The following PTPRG variants were observed in gnomAD, a reference collection of about 807,000 sequenced individuals.
The protein encoded by PTPRG is protein tyrosine phosphatase receptor type G, also known as receptor-type tyrosine-protein phosphatase gamma.
A neutral mutation model predicts 165.3 loss-of-function variants in PTPRG; 102 were observed. The observed-to-expected ratio is 0.62, with a 90% CI of 0.53 to 0.73. The LOEUF is 0.73. Among genes scored for constraint, PTPRG ranks in the 30% least tolerant of loss-of-function variants. PTPRG has a pLI of 0.00. For missense variants in PTPRG, 1,866 were observed against 1,861.4 expected (o/e 1.00, Z -0.05); for synonymous variants, 675 against 669.5 (o/e 1.01, Z -0.13).
intron 5 of PTPRG, among the ~76,000 whole-genome samples, chr3:62,108,947 C>T (rs1216217222): frequency 9.3e-6 from 1 of 107,580 alleles, no homozygotes; most frequent in Non-Finnish European, 2.0e-5. Context: ...AGCCCTTTGT[C>T]AGATGGATAG....
At chr3:61,987,255 A>C (rs956699580) in intron 2 of PTPRG, among the ~76,000 whole-genome samples, 36 of 152,370 alleles carry the variant, frequency 2.4e-4, no homozygotes, top group African/African-American at 8.7e-4. Flanking sequence ...TTAAAATTGC[A>C]CTTGAATGTA....
At chr3:62,037,661 T>C (rs1699991697) in intron 4 of PTPRG, among the ~76,000 whole-genome samples, 1 of 152,186 alleles carries the variant, frequency 6.6e-6, no homozygotes, top group African/African-American at 2.4e-5. Flanking sequence ...CTGAGTGTAT[T>C]AATCTGCTCC....
intron 5 of PTPRG, among the ~76,000 whole-genome samples, chr3:62,107,298 G>A (rs1224897700): frequency 6.6e-6 from 1 of 152,168 alleles, no homozygotes; most frequent in African/African-American, 2.4e-5. Flanking sequence ...AATATGATTA[G>A]TCACCTCCTA....
chr3:61,843,032 G>A (rs912796580), intron 2 of PTPRG, among the ~76,000 whole-genome samples: 2 of 152,152 alleles, frequency 1.3e-5, no homozygotes, highest in African/African-American at 4.8e-5. Flanking sequence ...CTCTCTTACA[G>A]CTCTGTTGCT....
At chr3:61,727,046 CAAA>C (rs35873334) in intron 1 of PTPRG, among the ~76,000 whole-genome samples, 5 of 105,838 alleles carry the variant, frequency 4.7e-5, no homozygotes, top group East Asian at 2.3e-4. Flanking sequence ...GACTCCGTCT[CAAA>C]AAAAAAAAAA....
chr3:62,064,431 G>C (rs1700932683), intron 4 of PTPRG, among the ~76,000 whole-genome samples: 1 of 151,924 alleles, frequency 6.6e-6, no homozygotes, highest in Non-Finnish European at 1.5e-5. Context: ...TTTCAAGGTT[G>C]GTCTTGAACT....
rs1283646481 is a variant in PTPRG, at chr3:61,653,900, G to GA, written c.85+91528_85+91529insA. Among the ~76,000 whole-genome samples the GA allele has an allele frequency of 2.8e-4, 30 of 105,708 alleles. 1 individual carries two copies. Among genetic ancestry groups the GA allele is most frequent in the Non-Finnish European group, 4.5e-4 (24 of 53,334 alleles). The allele number at this position is 105,708 out of a possible 152,430, so 69.3% of individuals were successfully genotyped here. On this transcript the variant is annotated intron_variant, in intron 1 of 29. Transcript: ENST00000474889. ...TGCAGGTTGTTAAGCGGGGAGCGGTGGGGGGCGCGGGGAACTGTAAGGGAA... is the reference window on the plus strand; with the variant it reads ...TGCAGGTTGTTAAGCGGGGAGCGGTGAGGGGGCGCGGGGAACTGTAAGGGAA...
intron 14 of PTPRG, among the ~76,000 whole-genome samples, chr3:62,235,780 T>C (rs1701018389): frequency 6.6e-6 from 1 of 152,178 alleles, no homozygotes; most frequent in South Asian, 2.1e-4. Context: ...CTCTCCTCGT[T>C]TTAGTATCTG....
intron 1 of PTPRG, among the ~76,000 whole-genome samples, chr3:61,713,169 T>G (rs1010124836): frequency 1.3e-5 from 2 of 151,784 alleles, no homozygotes; most frequent in Non-Finnish European, 2.9e-5. Flanking sequence ...AATATGTTTT[T>G]TTTTTTTTTT....
intron 2 of PTPRG, among the ~76,000 whole-genome samples, chr3:61,789,588 A>T (rs775788836): frequency 2.6e-5 from 4 of 152,236 alleles, no homozygotes; most frequent in Admixed American, 2.6e-4. Flanking sequence ...TTCCTCCCTC[A>T]TGGGACTTTT....
chr3:61,990,436 A>T (rs376737117), intron 3 of PTPRG, among the ~76,000 whole-genome samples: 1 of 152,208 alleles, frequency 6.6e-6, no homozygotes, highest in Non-Finnish European at 1.5e-5. Context: ...CAGCAATTCA[A>T]TTCTTCCACT....
intron 4 of PTPRG, among the ~76,000 whole-genome samples, chr3:62,033,835 T>A (rs1259871774): frequency 6.6e-6 from 1 of 151,962 alleles, no homozygotes; most frequent in Non-Finnish European, 1.5e-5. Flanking sequence ...TGGTGTGACC[T>A]CAGCTCACTG....
chr3:61,937,693 GCAGT>G (rs1212000404), intron 2 of PTPRG, among the ~76,000 whole-genome samples: 1 of 152,180 alleles, frequency 6.6e-6, no homozygotes, highest in Non-Finnish European at 1.5e-5. Context: ...CAAGAAACAT[GCAGT>G]CAGAGTGATC....
chr3:61,833,391 A>T (rs892246800), intron 2 of PTPRG, among the ~76,000 whole-genome samples: 1 of 152,056 alleles, frequency 6.6e-6, no homozygotes, highest in African/African-American at 2.4e-5. Flanking sequence ...GGCTTAATCT[A>T]GTTTATTTCA....
At chr3:62,033,946 G>C (rs535445815) in intron 4 of PTPRG, among the ~76,000 whole-genome samples, 1 of 151,850 alleles carries the variant, frequency 6.6e-6, no homozygotes, top group Non-Finnish European at 1.5e-5. Flanking sequence ...TTGTATTTTT[G>C]GTAGAGACGG....
intron 1 of PTPRG, among the ~76,000 whole-genome samples, chr3:61,698,391 A>G (rs1002219427): frequency 2.0e-5 from 3 of 152,282 alleles, no homozygotes; most frequent in African/African-American, 4.8e-5. Flanking sequence ...GTAGCAGGCA[A>G]GCAGACATAG....
At chr3:61,680,314 G>GT (rs1703387782) in intron 1 of PTPRG, among the ~76,000 whole-genome samples, 1 of 152,032 alleles carries the variant, frequency 6.6e-6, no homozygotes, top group Non-Finnish European at 1.5e-5. Context: ...AGCAGGGTAG[G>GT]TGGAGGTGTG....
At chr3:62,044,689 A>G (rs1700234619) in intron 4 of PTPRG, among the ~76,000 whole-genome samples, 1 of 152,240 alleles carries the variant, frequency 6.6e-6, no homozygotes, top group African/African-American at 2.4e-5. Flanking sequence ...AAAATAATCA[A>G]TAACATATTG....
At chr3:61,580,347 A>T (rs1484911407) in intron 1 of PTPRG, among the ~76,000 whole-genome samples, 1 of 150,908 alleles carries the variant, frequency 6.6e-6, no homozygotes, top group Non-Finnish European at 1.5e-5. Context: ...AATACCCTTA[A>T]CCCTTGAGTC....
Sources: gnomAD v4.1 joint callset for allele counts (sites outside exome capture counted in the v4.1 genomes callset) on GRCh38, gnomAD v4.1.1 for gene constraint, MANE v1.5 for transcripts, NCBI Gene and HGNC (gene_info 2026-07-23, HGNC 2026-07-21) for gene names.